Variants in DIPK1A observed in about 807,000 individuals in gnomAD.
DIPK1A encodes the protein family with sequence similarity 69 member A.
DIPK1A carries 27 observed loss-of-function variants against 40.8 expected under a neutral mutation model. That is an observed-to-expected ratio of 0.66 (90% CI 0.49 to 0.91). DIPK1A has a LOEUF of 0.91. Ranked by LOEUF, DIPK1A falls within the 40% of genes least tolerant of loss-of-function variation. The pLI, the probability that DIPK1A is intolerant of heterozygous loss-of-function variation, is 0.00. For synonymous variants in DIPK1A, 166 were observed against 171.3 expected, an observed-to-expected ratio of 0.97 and a Z score of 0.24; for missense variants, 412 against 505.7, an observed-to-expected ratio of 0.81 and a Z score of 1.78.
intron 1 of DIPK1A, among the ~76,000 whole-genome samples, chr1:92,956,434 A>C (rs139442247): frequency 1.3e-5 from 2 of 152,350 alleles, no homozygotes; most frequent in African/African-American, 4.8e-5. Context: ...GCAAAAGCTA[A>C]TCTCTGAACA....
In DIPK1A at chr1:92,959,903, C is replaced by CTTTTTTTTTTTTTTTT. The variant is rs1157142089; in HGVS notation, c.54+1457_54+1472dup. Among the ~76,000 whole-genome samples the CTTTTTTTTTTTTTTTT allele has an allele frequency of 9.6e-3, 458 of 47,848 alleles. 18 individuals carry two copies. Among genetic ancestry groups the CTTTTTTTTTTTTTTTT allele is most frequent in the East Asian group, 0.019 (22 of 1,154 alleles). 31.4% of individuals were successfully genotyped at this position (47,848 alleles called of 152,430 possible). ...GCTGGGACCACAGGCACCCAACCAA[C>CTTTTTTTTTTTTTTTT]TTTTTTTTTTTTTTTTTTTTTTTTG... On this transcript the variant is annotated intron_variant, in intron 1 of 4. Transcript: ENST00000370310.
At chr1:92,878,443 G>A (rs1648221204) in intron 1 of DIPK1A, among the ~76,000 whole-genome samples, 1 of 152,030 alleles carries the variant, frequency 6.6e-6, no homozygotes, top group African/African-American at 2.4e-5. Context: ...CCAGAACTTC[G>A]GGAGGCCAAG....
intron 2 of DIPK1A, among the ~76,000 whole-genome samples, chr1:92,853,882 A>AT (rs965695290): frequency 7.3e-5 from 11 of 151,318 alleles, no homozygotes; most frequent in Admixed American, 1.3e-4. Flanking sequence ...ATAAAAACTG[A>AT]TTTTTTTTTG....
chr1:92,871,069 C>T (rs1480581299), intron 2 of DIPK1A, among the ~76,000 whole-genome samples: 1 of 152,180 alleles, frequency 6.6e-6, no homozygotes, highest in East Asian at 1.9e-4. Flanking sequence ...CAATCTGTGA[C>T]ATCTTTCATC....
Position 92,833,627 on chromosome 1 carries a change from A to C in DIPK1A, c.475-593T>G, listed in dbSNP as rs753968704. ...ACAACACACCCAAATACAGGATGAT[A>C]GTTCGTGTGACAAACAGAGATATCA... On this transcript the variant is annotated intron_variant, in intron 4 of 4. Coordinates refer to the DIPK1A transcript ENST00000615519. 2.0e-5 allele frequency: 33 copies of C among 1,612,096 alleles called. No homozygotes were observed. The highest frequency in any genetic ancestry group is 2.8e-5 in the Non-Finnish European group (33 of 1,179,918).
At chr1:92,958,422 A>G (rs1402677785) in intron 1 of DIPK1A, among the ~76,000 whole-genome samples, 1 of 152,236 alleles carries the variant, frequency 6.6e-6, no homozygotes, top group Non-Finnish European at 1.5e-5. Context: ...ATCCAGTTAA[A>G]GACAAACAGC....
At position 92,891,245 on chromosome 1, in the gene DIPK1A, T is replaced by C. The variant is rs4436401; in HGVS notation, c.55-14815A>G. ...TTAGTCCAGCTAATGGTTTACCAAT[T>C]TTGTTTGTCTTTTTGAAAAACCAAT... On this transcript the variant is annotated intron_variant, in intron 1 of 4. Transcript: ENST00000370310. Among the ~76,000 whole-genome samples the C allele has an allele frequency of 3.3e-3, 505 of 152,144 alleles. 3 individuals are homozygous for C. Among genetic ancestry groups the C allele is most frequent in the African/African-American group, 0.012 (494 of 41,578 alleles).
intron 2 of DIPK1A, among the ~76,000 whole-genome samples, chr1:92,862,311 C>A (rs1436030297): frequency 1.3e-5 from 2 of 152,200 alleles, no homozygotes; most frequent in East Asian, 3.9e-4. Context: ...ACCCTTCCCT[C>A]CTCTGTCCCA....
Position 92,844,038 on chromosome 1 carries a change from T to C in DIPK1A, c.632A>G (p.Asp211Gly). The change falls in exon 5 of 5, where the codon GAT becomes GGT. Residue 211 changes from aspartate to glycine, a missense_variant. By Grantham distance (94) the Asp-to-Gly change is moderately conservative (BLOSUM62 -1). Transcript: ENST00000370310. ...CATTAATTTGGGGGTATGTTCTTTA[T>C]CTTGAAGTATCACCATGAGAAGAAA... Reference protein sequence around the residue: ...NEFLLMVILQDKEHTPKLMGF... With the variant: ...NEFLLMVILQGKEHTPKLMGF... The C allele has an allele frequency of 6.4e-7, 1 of 1,552,144 alleles. No individual in the cohort carries two copies. Among genetic ancestry groups the C allele is most frequent in the Non-Finnish European group, 8.7e-7 (1 of 1,147,074 alleles).
At chr1:92,907,653 T>C (rs1283345319) in intron 1 of DIPK1A, among the ~76,000 whole-genome samples, 1 of 152,052 alleles carries the variant, frequency 6.6e-6, no homozygotes, top group African/African-American at 2.4e-5. Context: ...CTGCCCAGGC[T>C]TGTCTTGAAC....
chr1:92,836,645 C>T (rs1687141298), intron 4 of DIPK1A: 2 of 494,032 alleles, frequency 4.0e-6, no homozygotes, highest in South Asian at 2.1e-5. Context: ...ATTGAAACCA[C>T]TACCTTTTGC....
At chr1:92,950,661 T>G (rs1055757562) in intron 1 of DIPK1A, among the ~76,000 whole-genome samples, 1 of 152,178 alleles carries the variant, frequency 6.6e-6, no homozygotes, top group South Asian at 2.1e-4. Context: ...CAGTGAGCTA[T>G]GATTGTGCCA....
chr1:92,871,787 T>C (rs1647873662), intron 2 of DIPK1A, among the ~76,000 whole-genome samples: 1 of 152,224 alleles, frequency 6.6e-6, no homozygotes. Context: ...TTGTAGCATG[T>C]ATCAGAATTT....
chr1:92,896,599 G>A (rs1295612077), intron 1 of DIPK1A, among the ~76,000 whole-genome samples: 1 of 147,968 alleles, frequency 6.8e-6, no homozygotes, highest in Non-Finnish European at 1.5e-5. Context: ...GCATGGGCAA[G>A]GACTTCGTGT....
intron 2 of DIPK1A, among the ~76,000 whole-genome samples, chr1:92,875,959 G>A (rs779430148): frequency 2.7e-5 from 4 of 150,794 alleles, no homozygotes; most frequent in Admixed American, 6.6e-5. Context: ...CTGTAAATAC[G>A]CTTTTATAGT....
intron 2 of DIPK1A, among the ~76,000 whole-genome samples, chr1:92,861,589 T>C (rs559622841): frequency 6.6e-6 from 1 of 151,424 alleles, no homozygotes; most frequent in Admixed American, 6.6e-5. Flanking sequence ...GGCCTCCCAA[T>C]GTGCTGGGAT....
At chr1:92,933,307 T>C (rs947440170) in intron 1 of DIPK1A, 1 of 152,122 alleles carries the variant, frequency 6.6e-6, no homozygotes, top group African/African-American at 2.4e-5. Context: ...ACTGAAAAGG[T>C]GAATAGTTTC....
chr1:92,842,412 G>T lies in DIPK1A; in HGVS notation c.*971C>A, dbSNP rs1473009806. 1 of 980,418 alleles carries T rather than the reference G, an allele frequency of 1.0e-6. No individual in the cohort carries two copies. The highest frequency in any genetic ancestry group is 1.2e-6 in the Non-Finnish European group (1 of 825,548). 60.7% of individuals were successfully genotyped at this position (980,418 alleles called of 1,614,324 possible). On this transcript the variant is annotated 3_prime_UTR_variant, in exon 5 of 5. Transcript: ENST00000370310. ...GTTGAAAGGTACATGCCAAATCTGA[G>T]TATACGTGTGAAAATAATATGAAAG...
chr1:92,846,859 G>GTATATATATATATACATATATA lies in DIPK1A; in HGVS notation c.474+323_474+324insTATATATGTATATATATATATA. ...TATATATATGTGTGTATATATATAT[G>GTATATATATATATACATATATA]TGTGTATATATATATATATATATAC... On this transcript the variant is annotated intron_variant, in intron 4 of 4. Transcript: ENST00000370310. Among the ~76,000 whole-genome samples the GTATATATATATATACATATATA allele has an allele frequency of 3.6e-3, 8 of 2,212 alleles. 2 individuals carry two copies. Among genetic ancestry groups the GTATATATATATATACATATATA allele is most frequent in the African/African-American group, 0.027 (6 of 222 alleles). 1.5% of individuals were successfully genotyped at this position (2,212 alleles called of 152,430 possible). A position where few individuals can be genotyped will look rare whatever the true frequency, so the allele number is the denominator to read the frequency against.
Sources: gnomAD v4.1 joint callset for allele counts (sites outside exome capture counted in the v4.1 genomes callset) on GRCh38, gnomAD v4.1.1 for gene constraint, MANE v1.5 for transcripts, NCBI Gene and HGNC (gene_info 2026-07-23, HGNC 2026-07-21) for gene names.